The following OPN3 variants were observed in gnomAD, a reference collection of about 807,000 sequenced individuals.
The protein encoded by OPN3 is opsin-3.
OPN3 carries 29 observed loss-of-function variants against 33.8 expected under a neutral mutation model. That is an observed-to-expected ratio of 0.86 (90% CI 0.64 to 1.17). The LOEUF (loss-of-function observed/expected upper bound fraction) is 1.17, where lower values mean the gene tolerates loss of function less well. OPN3 is among the 50% of genes most tolerant of loss of function. The pLI, the probability that OPN3 is intolerant of heterozygous loss-of-function variation, is 0.00. For missense variants in OPN3, 437 were observed against 514.1 expected (o/e 0.85, Z 1.45); for synonymous variants, 216 against 216.1 (o/e 1.00, Z 0.00).
chr1:241,611,687 A>G (rs1176342368), intron 1 of OPN3, among the ~76,000 whole-genome samples: 1 of 152,202 alleles, frequency 6.6e-6, no homozygotes, highest in Non-Finnish European at 1.5e-5. Context: ...ACTCTCCTAG[A>G]AAACCCTTAA....
Position 241,621,413 on chromosome 1 carries a change from G to A in OPN3, c.374-16834C>T, listed in dbSNP as rs1664265878. On this transcript the variant is annotated intron_variant, in intron 1 of 3. Coordinates refer to ENST00000366554, the MANE Select transcript of OPN3 (RefSeq NM_014322.3). ...AGAGTTAAGGCTGTGAACAAGAGGT[G>A]ACAGCTAAAGTTTTATATTCCCTGC... 2.0e-5 allele frequency among the ~76,000 whole-genome samples: 3 copies of A among 152,144 alleles called. 1 individual carries two copies. The highest frequency in any genetic ancestry group is 4.1e-4 in the South Asian group (2 of 4,826).
intron 1 of OPN3, chr1:241,629,984 G>A (rs1664560813): frequency 6.6e-6 from 1 of 151,926 alleles, no homozygotes; most frequent in South Asian, 2.1e-4. Context: ...TTACAATTAT[G>A]CCATATTCCA....
chr1:241,612,734 C>T (rs944466280), intron 1 of OPN3, among the ~76,000 whole-genome samples: 8 of 152,194 alleles, frequency 5.3e-5, no homozygotes, highest in African/African-American at 9.7e-5. Context: ...TCAGGTCCTA[C>T]GTACCAGTGA....
chr1:241,603,380 C>A (rs968667906), intron 2 of OPN3, among the ~76,000 whole-genome samples: 1 of 152,016 alleles, frequency 6.6e-6, no homozygotes, highest in African/African-American at 2.4e-5. Context: ...GTGTAATAGT[C>A]ACAGTGTGGA....
chr1:241,639,812 A>G lies in OPN3; in HGVS notation c.373+70T>C, dbSNP rs1033416488. 53 of 1,337,454 alleles carry G rather than the reference A, an allele frequency of 4.0e-5. No homozygotes were observed. In the Middle Eastern group the frequency reaches 8.4e-4, roughly 21 times the overall value. The allele number at this position is 1,337,454 out of a possible 1,614,324, so 82.8% of individuals were successfully genotyped here. A position where few individuals can be genotyped will look rare whatever the true frequency, so the allele number is the denominator to read the frequency against. On this transcript the variant is annotated intron_variant, in intron 1 of 3. Transcript: ENST00000366554. ...GCGGGGCGGGCTGGGGGGCGGACGC[A>G]CGGAGCGGGCAGCGGGGTGGGGAGT... is the stretch of plus-strand genomic sequence containing the variant.
At chr1:241,633,840 C>T (rs1664746472) in intron 1 of OPN3, 3 of 1,613,698 alleles carry the variant, frequency 1.9e-6, no homozygotes, top group Admixed American at 1.7e-5. Flanking sequence ...TTTTTGCTTT[C>T]CTCAGAGGAT....
chr1:241,606,821 G>A (rs950606830), intron 1 of OPN3, among the ~76,000 whole-genome samples: 1 of 152,130 alleles, frequency 6.6e-6, no homozygotes, highest in Non-Finnish European at 1.5e-5. Flanking sequence ...GGGAGAAAAG[G>A]GTGTGGGTGG....
At chr1:241,624,698 G>A (rs1361578308) in intron 1 of OPN3, among the ~76,000 whole-genome samples, 2 of 152,094 alleles carry the variant, frequency 1.3e-5, no homozygotes, top group African/African-American at 4.8e-5. Context: ...GAGATAAAAC[G>A]TGTGAAGAAA....
At chr1:241,633,093 G>C (rs371756278) in intron 1 of OPN3, 1 of 152,080 alleles carries the variant, frequency 6.6e-6, no homozygotes, top group Non-Finnish European at 1.5e-5. Context: ...TCCCCAAAAT[G>C]AGCTTTACAA....
chr1:241,638,398 C>T (rs1664985323), intron 1 of OPN3, among the ~76,000 whole-genome samples: 1 of 152,108 alleles, frequency 6.6e-6, no homozygotes, highest in Non-Finnish European at 1.5e-5. Context: ...TTCAAACTCC[C>T]GGGCACGAAA....
At chr1:241,598,664 G>C (rs971204494) in intron 2 of OPN3, among the ~76,000 whole-genome samples, 1 of 152,164 alleles carries the variant, frequency 6.6e-6, no homozygotes, top group Admixed American at 6.5e-5. Context: ...CCCATTAAAG[G>C]GATGGAGGAG....
chr1:241,626,455 T>C (rs3819978), intron 1 of OPN3, among the ~76,000 whole-genome samples: 13,590 of 152,186 alleles, frequency 0.089, 750 homozygotes, highest in African/African-American at 0.15. Flanking sequence ...TTGGTACTTA[T>C]GTTTCAACAG....
At position 241,628,875 on chromosome 1, in the gene OPN3, A is replaced by G. The variant is rs535376939; in HGVS notation, c.373+11007T>C. ...GTTCAGTAAACCACTTTACCAATTA[A>G]TCTTTTATTTTTTATTGCATACATC... On this transcript the variant is annotated intron_variant, in intron 1 of 3. Coordinates refer to ENST00000366554, the MANE Select transcript of OPN3 (RefSeq NM_014322.3). 10 of 152,692 alleles carry G rather than the reference A, an allele frequency of 6.5e-5. No individual in the cohort carries two copies. The South Asian group carries it at 1.7e-3, about 25-fold the overall frequency. The allele number at this position is 152,692 out of a possible 1,614,324, so 9.5% of individuals were successfully genotyped here. A position where few individuals can be genotyped will look rare whatever the true frequency, so the allele number is the denominator to read the frequency against.
intron 3 of OPN3, among the ~76,000 whole-genome samples, chr1:241,595,935 G>T (rs1663494970): frequency 6.6e-6 from 1 of 152,168 alleles, no homozygotes; most frequent in Admixed American, 6.5e-5. Flanking sequence ...AGCTCTTTGA[G>T]GACAAGGACC....
rs1454597172 is a variant in OPN3 at position 241,634,328 on chromosome 1, G to A, written c.373+5554C>T. 6.2e-7 allele frequency: 1 copy of A among 1,613,832 alleles called. No individual in the cohort carries two copies. Among genetic ancestry groups the A allele is most frequent in the African/African-American group, 1.3e-5 (1 of 74,898 alleles). On this transcript the variant is annotated intron_variant, in intron 1 of 3. Coordinates refer to ENST00000366554, the MANE Select transcript of OPN3 (RefSeq NM_014322.3). ...AGCACAAGCTCCTGGCTCTGCTGGA[G>A]GAACTATCAGAATGGAAGTCTGCTG... is the stretch of plus-strand genomic sequence containing the variant.
rs116548775 is a variant in OPN3, at chr1:241,608,288, C to T, written c.374-3709G>A. 9.5e-3 allele frequency among the ~76,000 whole-genome samples: 1,445 copies of T among 152,238 alleles called. 9 individuals are homozygous for T. Among genetic ancestry groups the T allele is most frequent in the Middle Eastern group, 0.017 (5 of 292 alleles). ...GAGTTCTTATGGTGAAAGCAATAAG[C>T]TGGTAAAATAAGCTGGTATGAGCAT... is the stretch of plus-strand genomic sequence containing the variant. On this transcript the variant is annotated intron_variant, in intron 1 of 3. Coordinates refer to ENST00000366554, the MANE Select transcript of OPN3 (RefSeq NM_014322.3).
chr1:241,615,910 T>A (rs559208682), intron 1 of OPN3: 1 of 456,606 alleles, frequency 2.2e-6, no homozygotes, highest in Non-Finnish European at 4.4e-6. Flanking sequence ...GCTTCCCTAG[T>A]GGCTGCCTGA....
At chr1:241,625,560 A>C (rs889868831) in intron 1 of OPN3, among the ~76,000 whole-genome samples, 2 of 152,228 alleles carry the variant, frequency 1.3e-5, no homozygotes, top group Non-Finnish European at 2.9e-5. Context: ...AAACTGGGGC[A>C]GGATGAAAAA....
At chr1:241,624,819 T>A (rs1391335614) in intron 1 of OPN3, among the ~76,000 whole-genome samples, 1 of 152,138 alleles carries the variant, frequency 6.6e-6, no homozygotes, top group Non-Finnish European at 1.5e-5. Flanking sequence ...AGCTTGGGGG[T>A]TATGGAATCA....
Sources: gnomAD v4.1 joint callset for allele counts (sites outside exome capture counted in the v4.1 genomes callset) on GRCh38, gnomAD v4.1.1 for gene constraint, MANE v1.5 for transcripts, NCBI Gene and HGNC (gene_info 2026-07-23, HGNC 2026-07-21) for gene names.